GSDMC: variants seen among roughly 807,000 people sequenced by gnomAD.
The protein encoded by GSDMC is gasdermin-C.
In GSDMC, 59 loss-of-function variants were observed where a neutral mutation model predicts 58.0. That is an observed-to-expected ratio of 1.02 (90% CI 0.82 to 1.26). The LOEUF is 1.26. Among genes scored for constraint, GSDMC ranks in the 50% most tolerant of loss-of-function variants. The pLI, the probability that GSDMC is intolerant of heterozygous loss-of-function variation, is 0.00. For missense variants in GSDMC, 659 were observed against 598.5 expected (o/e 1.10, Z -1.06); for synonymous variants, 241 against 220.2 (o/e 1.09, Z -0.83).
intron 4 of GSDMC, among the ~76,000 whole-genome samples, chr8:129,764,690 G>A (rs184890160): frequency 1.2e-4 from 19 of 152,244 alleles, no homozygotes; most frequent in Admixed American, 5.2e-4. Context: ...ATTACACATC[G>A]TATGGCTGTA....
chr8:129,718,451 G>A, the GSDMC span, among the ~76,000 whole-genome samples: 1 of 152,218 alleles, frequency 6.6e-6, no homozygotes, highest in African/African-American at 2.4e-5. Context: ...CTAGTCATTA[G>A]AGAAATGCAA....
chr8:129,754,665 T>C (rs538834432), intron 6 of GSDMC, among the ~76,000 whole-genome samples: 10 of 152,312 alleles, frequency 6.6e-5, no homozygotes, highest in South Asian at 2.1e-4. Context: ...ATCTTTCAGA[T>C]GAAGAATTCA....
chr8:129,732,062 T>C, the GSDMC span, among the ~76,000 whole-genome samples: 2 of 152,116 alleles, frequency 1.3e-5, no homozygotes, highest in Non-Finnish European at 2.9e-5. Context: ...GCCAATACAA[T>C]AGCATCAAGA....
intron 9 of GSDMC, 33 bp from the exon 10 acceptor site, chr8:129,751,601 C>T: frequency 6.2e-7 from 1 of 1,605,824 alleles, no homozygotes; most frequent in Admixed American, 1.7e-5. Context: ...ATCTCACTTC[C>T]TCATCCCCCC....
chr8:129,780,535 T>C (rs552959128), intron 1 of GSDMC, among the ~76,000 whole-genome samples: 2 of 152,028 alleles, frequency 1.3e-5, no homozygotes, highest in African/African-American at 4.8e-5. Flanking sequence ...TAGAATAATA[T>C]ATCTGGCAAA....
At chr8:129,746,520 A>G (rs1266088042), downstream of GSDMC, among the ~76,000 whole-genome samples, 1 of 152,218 alleles carries the variant, frequency 6.6e-6, no homozygotes, top group Non-Finnish European at 1.5e-5. Flanking sequence ...TATAAAAGAT[A>G]TTTAATTATT....
chr8:129,761,792 A>C (rs903293724), intron 5 of GSDMC, among the ~76,000 whole-genome samples: 44 of 152,172 alleles, frequency 2.9e-4, no homozygotes, highest in Admixed American at 2.2e-3. Flanking sequence ...CAGAAGCCAG[A>C]GTCCTCTAAC....
At chr8:129,784,987 T>C (rs899285715) in intron 1 of GSDMC, among the ~76,000 whole-genome samples, 1 of 151,626 alleles carries the variant, frequency 6.6e-6, no homozygotes, top group Non-Finnish European at 1.5e-5. Context: ...CTGAGGCGGG[T>C]GGATCAACTG....
At chr8:129,747,238 C>CA (rs1237314198), downstream of GSDMC, among the ~76,000 whole-genome samples, 6 of 142,924 alleles carry the variant, frequency 4.2e-5, no homozygotes, top group Admixed American at 2.8e-4. Context: ...GCCTGAGTGA[C>CA]AGAGCAAGAC....
At chr8:129,732,215 C>T in the GSDMC span, among the ~76,000 whole-genome samples, 2 of 151,510 alleles carry the variant, frequency 1.3e-5, no homozygotes, top group African/African-American at 2.4e-5. Flanking sequence ...CCTAGTCGAA[C>T]AAGTGCCAGA....
downstream of GSDMC, among the ~76,000 whole-genome samples, chr8:129,744,734 A>G (rs1420667245): frequency 6.6e-6 from 1 of 152,230 alleles, no homozygotes; most frequent in African/African-American, 2.4e-5. Flanking sequence ...AACCGTCTTT[A>G]AGAATGGTTT....
the GSDMC span, among the ~76,000 whole-genome samples, chr8:129,728,261 A>C: frequency 6.6e-6 from 1 of 152,072 alleles, no homozygotes; most frequent in Non-Finnish European, 1.5e-5. Context: ...GGCATTTGGA[A>C]CACCCACTCA....
At chr8:129,753,390 C>G (rs563708077) in intron 6 of GSDMC, among the ~76,000 whole-genome samples, 1 of 152,262 alleles carries the variant, frequency 6.6e-6, no homozygotes, top group African/African-American at 2.4e-5. Context: ...TCTAGACACC[C>G]CTGGGTGAAA....
intron 6 of GSDMC, among the ~76,000 whole-genome samples, chr8:129,755,015 G>C (rs1484504652): frequency 6.6e-6 from 1 of 152,038 alleles, no homozygotes; most frequent in East Asian, 1.9e-4. Context: ...CCTTAAAGAG[G>C]ACACAGAGAA....
In GSDMC at chr8:129,762,626, C is replaced by G. The variant is rs768762583; in HGVS notation, c.676G>C (p.Ala226Pro). ...KRKQLVIKEKAILISDDDEQR... is the reference protein window; with the variant it reads ...KRKQLVIKEKPILISDDDEQR... ...CCTTGCTGAGCTCCGCTGCTCCCAC[C>G]TTTCTCCTTGATAACCAGCTGCTTT... is the stretch of plus-strand genomic sequence containing the variant. Residue 226 changes from alanine to proline, a missense_variant and splice_region_variant, in exon 5 of 14, where the codon GCC (alanine) becomes CCC (proline). By Grantham distance (27) the Ala-to-Pro change is conservative. Coordinates refer to ENST00000276708, the MANE Select transcript of GSDMC (RefSeq NM_031415.3). The G allele has an allele frequency of 4.4e-6, 7 of 1,599,246 alleles. No individual in the cohort carries two copies. Among genetic ancestry groups the G allele is most frequent in the Non-Finnish European group, 5.1e-6 (6 of 1,166,440 alleles).
the GSDMC span, among the ~76,000 whole-genome samples, chr8:129,714,880 T>G: frequency 1.3e-5 from 2 of 152,182 alleles, 1 homozygote; most frequent in South Asian, 4.1e-4. Context: ...TGATTTTTCT[T>G]CTCTTAAATT....
chr8:129,750,482 A>C lies in GSDMC; in HGVS notation c.1032T>G (p.Ser344Arg), dbSNP rs777421063. The C allele has an allele frequency of 6.2e-7, 1 of 1,613,768 alleles. No individual in the cohort carries two copies. The highest frequency in any genetic ancestry group is 1.1e-5 in the South Asian group (1 of 91,076). The stretch of plus-strand genomic sequence containing the variant: ...CTCTGTCTCTGAGCATGGCCAGGAT[A>C]CTGTAGAACATGACATCCTGAACAT... Reference protein sequence around the residue: ...SKDVQDVMFYSILAMLRDRGA... With the variant: ...SKDVQDVMFYRILAMLRDRGA... Residue 344 changes from serine (S) to arginine (R), a missense_variant, in exon 11 of 14, where the codon AGT becomes AGG. Ser to Arg is a moderately radical substitution (Grantham distance 110, BLOSUM62 -1). Coordinates refer to ENST00000276708, the MANE Select transcript of GSDMC (RefSeq NM_031415.3).
In GSDMC at chr8:129,786,527, A is replaced by T. The variant is rs1354369784; in HGVS notation, c.-521T>A. The stretch of plus-strand genomic sequence containing the variant: ...AAATAAGCACAGGAGGGCCCTGTTC[A>T]TTTCCAGAAGAGTAAGTCTGGAACT... On this transcript the variant is annotated 5_prime_UTR_variant, in exon 1 of 14. An upstream start codon of the reference 5' UTR is lost. Transcript: ENST00000276708. The T allele has an allele frequency of 1.3e-5, 2 of 152,204 alleles. No homozygotes were observed. Among genetic ancestry groups the T allele is most frequent in the Non-Finnish European group, 2.9e-5 (2 of 68,050 alleles). The allele number at this position is 152,204 out of a possible 1,614,324, so 9.4% of individuals were successfully genotyped here. A position where few individuals can be genotyped will look rare whatever the true frequency, so the allele number is the denominator to read the frequency against.
intron 6 of GSDMC, among the ~76,000 whole-genome samples, chr8:129,754,255 G>A (rs1290271726): frequency 6.6e-6 from 1 of 152,238 alleles, no homozygotes; most frequent in Non-Finnish European, 1.5e-5. Flanking sequence ...GGTGGCCACA[G>A]GGGTGCTTGC....
Sources: allele counts gnomAD v4.1 joint callset (sites outside exome capture counted in the v4.1 genomes callset), GRCh38; gene constraint gnomAD v4.1.1; transcripts MANE v1.5; gene names NCBI Gene and HGNC (gene_info 2026-07-23, HGNC 2026-07-21).